The following PIK3AP1 variants were observed in gnomAD, a reference collection of about 807,000 sequenced individuals.
PIK3AP1 encodes the protein phosphoinositide-3-kinase adaptor protein 1.
Under a neutral mutation model 88.1 loss-of-function variants are expected in PIK3AP1, and 21 were observed. The ratio of observed to expected loss-of-function variants is 0.24; its 90% CI spans 0.17 to 0.34. The LOEUF is 0.34. Among genes scored for constraint, PIK3AP1 ranks in the 10% least tolerant of loss-of-function variants. PIK3AP1 has a pLI of 1.00. For synonymous variants in PIK3AP1, 398 were observed against 400.0 expected, an observed-to-expected ratio of 1.00 and a Z score of 0.06; for missense variants, 828 against 1,035.7, an observed-to-expected ratio of 0.80 and a Z score of 2.75.
chr10:96,638,937 G>T (rs1473945085), intron 8 of PIK3AP1, among the ~76,000 whole-genome samples: 3 of 32,494 alleles, frequency 9.2e-5, no homozygotes, highest in Non-Finnish European at 2.9e-4. Context: ...CACATGAGAG[G>T]TTTGAAAAAT....
intron 8 of PIK3AP1, among the ~76,000 whole-genome samples, chr10:96,638,957 T>A (rs1483688907): frequency 6.6e-6 from 1 of 151,872 alleles, no homozygotes; most frequent in East Asian, 1.9e-4. Context: ...TATTTTTGAA[T>A]GAATGAATGA....
At chr10:96,612,703 G>A (rs1216368362) in intron 13 of PIK3AP1, among the ~76,000 whole-genome samples, 4 of 151,758 alleles carry the variant, frequency 2.6e-5, no homozygotes, top group Non-Finnish European at 5.9e-5. Flanking sequence ...TCCCCAAGCA[G>A]GCCTCCATCA....
chr10:96,681,584 A>C (rs561151992), intron 2 of PIK3AP1, among the ~76,000 whole-genome samples: 5 of 152,302 alleles, frequency 3.3e-5, no homozygotes, highest in African/African-American at 1.2e-4. Flanking sequence ...TCATTCTGGA[A>C]ACTTGGGCCC....
rs1332271762 is a variant in PIK3AP1, at chr10:96,651,285, A to G, written c.951T>C (p.Phe317=). ...NNIPASGLHL[F]GINQLEEEDM... Reference sequence around the variant, plus strand: ...CTTCTTCTTCCAGCTGGTTGATTCCAAAGAGGTGCAGTCCGCTTGCAGGGA... The same window carrying G: ...CTTCTTCTTCCAGCTGGTTGATTCCGAAGAGGTGCAGTCCGCTTGCAGGGA... Residue 317 remains phenylalanine (F), a synonymous_variant, in exon 6 of 17, where the codon TTT becomes TTC. Transcript: ENST00000339364. 1.1e-5 allele frequency: 17 copies of G among 1,614,224 alleles called. No individual in the cohort carries two copies. The highest frequency in any genetic ancestry group is 1.4e-5 in the Non-Finnish European group (17 of 1,180,038).
intron 2 of PIK3AP1, among the ~76,000 whole-genome samples, chr10:96,699,461 CTTGT>C (rs1428083133): frequency 5.3e-5 from 8 of 152,018 alleles, no homozygotes; most frequent in South Asian, 2.1e-4. Context: ...ATTAATTTTA[CTTGT>C]TTCTTTTTAC....
At chr10:96,716,324 C>T (rs1318216553) in intron 1 of PIK3AP1, among the ~76,000 whole-genome samples, 1 of 152,134 alleles carries the variant, frequency 6.6e-6, no homozygotes, top group Non-Finnish European at 1.5e-5. Context: ...CACAATGTCT[C>T]ACTCCTGGGG....
chr10:96,593,917 T>C lies in PIK3AP1; in HGVS notation c.*1660A>G, dbSNP rs1848714371. 6.6e-6 allele frequency: 1 copy of C among 152,238 alleles called. No homozygotes were observed. The highest frequency in any genetic ancestry group is 2.4e-5 in the African/African-American group (1 of 41,470). The allele number at this position is 152,238 out of a possible 1,614,324, so 9.4% of individuals were successfully genotyped here. ...AGGAATGAAATTGAGAAAGAACCTT[T>C]AATCATTAGAAAAGGACCCAATAAA... On this transcript the variant is annotated 3_prime_UTR_variant, in exon 17 of 17. Transcript: ENST00000339364.
intron 8 of PIK3AP1, among the ~76,000 whole-genome samples, chr10:96,631,367 C>T (rs1481492431): frequency 6.6e-6 from 1 of 152,100 alleles, no homozygotes; most frequent in Non-Finnish European, 1.5e-5. Flanking sequence ...TCACTAACAA[C>T]GTTCAATTTG....
chr10:96,628,977 C>T (rs1434308607), intron 8 of PIK3AP1, among the ~76,000 whole-genome samples: 2 of 144,852 alleles, frequency 1.4e-5, no homozygotes, highest in African/African-American at 2.6e-5. Flanking sequence ...GGCACAACTA[C>T]AGCACACTCC....
At chr10:96,647,490 G>A (rs1564968682) in intron 7 of PIK3AP1, among the ~76,000 whole-genome samples, 1 of 152,106 alleles carries the variant, frequency 6.6e-6, no homozygotes, top group South Asian at 2.1e-4. Flanking sequence ...GAAATGAAAT[G>A]CTACATTTGG....
At chr10:96,599,846 C>T (rs1190878166) in intron 16 of PIK3AP1, among the ~76,000 whole-genome samples, 1 of 152,092 alleles carries the variant, frequency 6.6e-6, no homozygotes, top group African/African-American at 2.4e-5. Context: ...CTCCTTTTCT[C>T]TCCCCATCTC....
chr10:96,595,669 C>G (rs1389907934), intron 16 of PIK3AP1, 35 bp from the exon 17 acceptor site: 2 of 1,603,084 alleles, frequency 1.2e-6, no homozygotes, highest in African/African-American at 1.3e-5. Context: ...TATTTAAAAA[C>G]TAATTTGATT....
At chr10:96,669,168 G>A (rs1437909791) in intron 2 of PIK3AP1, among the ~76,000 whole-genome samples, 2 of 152,012 alleles carry the variant, frequency 1.3e-5, no homozygotes, top group Non-Finnish European at 2.9e-5. Flanking sequence ...CACAAATGGG[G>A]CAGGAATATA....
chr10:96,618,600 A>C (rs555036616), intron 12 of PIK3AP1: 2 of 152,726 alleles, frequency 1.3e-5, no homozygotes, highest in African/African-American at 2.4e-5. Flanking sequence ...AAAAAAAAAA[A>C]AAAAGAAAAA....
At chr10:96,623,021 A>C (rs901060257) in intron 11 of PIK3AP1, among the ~76,000 whole-genome samples, 1 of 152,128 alleles carries the variant, frequency 6.6e-6, no homozygotes, top group Admixed American at 6.5e-5. Context: ...ATCAACCTCC[A>C]TTTTTAGATT....
chr10:96,645,989 G>C (rs1843454213), intron 7 of PIK3AP1, among the ~76,000 whole-genome samples: 1 of 152,230 alleles, frequency 6.6e-6, no homozygotes, highest in Non-Finnish European at 1.5e-5. Context: ...GCCTGATGTG[G>C]TGGCTCACAC....
intron 14 of PIK3AP1, among the ~76,000 whole-genome samples, chr10:96,608,985 G>C (rs940965462): frequency 1.3e-5 from 2 of 152,114 alleles, no homozygotes; most frequent in African/African-American, 4.8e-5. Flanking sequence ...CACTGCCCTG[G>C]ATACGGGAAC....
intron 2 of PIK3AP1, among the ~76,000 whole-genome samples, chr10:96,662,830 C>G (rs1416826014): frequency 1.6e-5 from 2 of 125,496 alleles, no homozygotes; most frequent in Non-Finnish European, 3.1e-5. Context: ...TGCAGTGAGC[C>G]GAGATTGCGC....
chr10:96,606,649 G>A (rs1056194697), intron 14 of PIK3AP1, among the ~76,000 whole-genome samples: 1 of 152,202 alleles, frequency 6.6e-6, no homozygotes, highest in African/African-American at 2.4e-5. Flanking sequence ...AGGGGGAAGG[G>A]GGGCAGTGCC....
Sources: gnomAD v4.1 joint callset for allele counts (sites outside exome capture counted in the v4.1 genomes callset) on GRCh38, gnomAD v4.1.1 for gene constraint, MANE v1.5 for transcripts, NCBI Gene and HGNC (gene_info 2026-07-23, HGNC 2026-07-21) for gene names.